The following TLR3 variants were observed in gnomAD, a reference collection of about 807,000 sequenced individuals.
TLR3 encodes the protein toll-like receptor 3.
In TLR3, 43 loss-of-function variants were observed where a neutral mutation model predicts 66.4. That is an observed-to-expected ratio of 0.65 (90% CI 0.51 to 0.83). The LOEUF is 0.83. Ranked by LOEUF, TLR3 falls within the 40% of genes least tolerant of loss-of-function variation. The pLI, the probability that TLR3 is intolerant of heterozygous loss-of-function variation, is 0.00. For synonymous variants in TLR3, 397 were observed against 397.2 expected, an observed-to-expected ratio of 1.00 and a Z score of 0.01; for missense variants, 982 against 1,044.6, an observed-to-expected ratio of 0.94 and a Z score of 0.83.
intron 1 of TLR3, among the ~76,000 whole-genome samples, chr4:186,072,453 C>G (rs1014523247): frequency 2.0e-5 from 3 of 152,142 alleles, no homozygotes; most frequent in Non-Finnish European, 4.4e-5. Flanking sequence ...GCTGGGATTA[C>G]AGGCACCCAC....
chr4:186,076,561 A>C, intron 1 of TLR3, 52 bp from the exon 2 acceptor site: 3 of 1,554,294 alleles, frequency 1.9e-6, no homozygotes, highest in Non-Finnish European at 2.7e-6. Flanking sequence ...ATGCATTTGA[A>C]AGCCATCTGC....
At chr4:186,076,365 C>T (rs2099302454) in intron 1 of TLR3, among the ~76,000 whole-genome samples, 1 of 152,092 alleles carries the variant, frequency 6.6e-6, no homozygotes, top group African/African-American at 2.4e-5. Flanking sequence ...ATTGCAGCTG[C>T]AACTGGCATT....
chr4:186,085,701 A>G lies in TLR3; in HGVS notation c.*828A>G, dbSNP rs2099304244. The G allele has an allele frequency of 6.6e-6, 1 of 152,238 alleles. No individual in the cohort carries two copies. The highest frequency in any genetic ancestry group is 6.5e-5 in the Admixed American group (1 of 15,284). 9.4% of individuals were successfully genotyped at this position (152,238 alleles called of 1,614,324 possible). ...TCTTTGACTCCTGATCTTGAAAATTATGATAATAAATGCATCTTAGATATT... is the reference window on the plus strand; with the variant it reads ...TCTTTGACTCCTGATCTTGAAAATTGTGATAATAAATGCATCTTAGATATT... On this transcript the variant is annotated 3_prime_UTR_variant, in exon 5 of 5. Transcript: ENST00000296795.
Position 186,076,654 on chromosome 4 carries a change from G to A in TLR3, c.35G>A (p.Gly12Glu). ...RQTLPCIYFW[G>E]GLLPFGMLCA... ...ACTTTGCCTTGTATCTACTTTTGGG[G>A]GGGCCTTTTGCCCTTTGGGATGCTG... Residue 12 changes from glycine to glutamate, a missense_variant, in exon 2 of 5, where the codon GGG becomes GAG. Coordinates refer to ENST00000296795, the MANE Select transcript of TLR3 (RefSeq NM_003265.3). The A allele has an allele frequency of 6.2e-7, 1 of 1,614,054 alleles. No individual in the cohort carries two copies. The highest frequency in any genetic ancestry group is 1.1e-5 in the South Asian group (1 of 91,070).
intron 3 of TLR3, among the ~76,000 whole-genome samples, chr4:186,081,318 G>A (rs1290575224): frequency 2.0e-5 from 3 of 151,698 alleles, no homozygotes; most frequent in South Asian, 4.2e-4. Context: ...TCCTCTGGCG[G>A]TTTCGACTGC....
At chr4:186,078,210 C>T (rs934407792) in intron 2 of TLR3, among the ~76,000 whole-genome samples, 1 of 152,166 alleles carries the variant, frequency 6.6e-6, no homozygotes, top group Admixed American at 6.5e-5. Flanking sequence ...ATCGCTTTCC[C>T]TTACCTTTTG....
rs1322822687 is a variant in TLR3 at position 186,076,951 on chromosome 4, T to G, written c.332T>G (p.Leu111Arg). The G allele has an allele frequency of 6.2e-7, 1 of 1,614,216 alleles. No individual in the cohort carries two copies. The change falls in exon 2 of 5, where the codon CTA becomes CGA. Residue 111 changes from leucine to arginine, a missense_variant. Transcript: ENST00000296795. ...GTTTTGAACCTCCAGCACAATGAGC[T>G]ATCTCAACTTTCTGATAAAACCTTT... ...LKVLNLQHNE[L>R]SQLSDKTFAF...
intron 3 of TLR3, 121 bp from the exon 4 acceptor site, chr4:186,082,199 T>C (rs2099303625): frequency 1.2e-6 from 1 of 867,802 alleles, no homozygotes; most frequent in African/African-American, 2.1e-5. Context: ...TACTCCAGCC[T>C]GGGCGACAGA....
At position 186,085,383 on chromosome 4, in the gene TLR3, A is replaced by T; in HGVS notation, c.*510A>T. The T allele has an allele frequency of 6.5e-6, 1 of 153,694 alleles. No individual in the cohort carries two copies. The highest frequency in any genetic ancestry group is 1.4e-5 in the Non-Finnish European group (1 of 69,046). The allele number at this position is 153,694 out of a possible 1,614,324, so 9.5% of individuals were successfully genotyped here. ...TTAGTAAGTACTTGTCTCAGTGTTGACTTTGTTAAATGTTAAATATTTTTT... is the reference window on the plus strand; with the variant it reads ...TTAGTAAGTACTTGTCTCAGTGTTGTCTTTGTTAAATGTTAAATATTTTTT... On this transcript the variant is annotated 3_prime_UTR_variant, in exon 5 of 5. Coordinates refer to ENST00000296795, the MANE Select transcript of TLR3 (RefSeq NM_003265.3).
chr4:186,084,046 G>T lies in TLR3; in HGVS notation c.2360G>T (p.Cys787Phe). The T allele has an allele frequency of 6.2e-7, 1 of 1,614,144 alleles. No homozygotes were observed. Among genetic ancestry groups the T allele is most frequent in the Non-Finnish European group, 8.5e-7 (1 of 1,180,028 alleles). Residue 787 changes from cysteine (C) to phenylalanine (F), a missense_variant, in exon 4 of 5, where the codon TGT (cysteine) becomes TTT (phenylalanine). Around this residue, in one of 3 missense-constraint regions of TLR3, gnomAD observed 666 missense variants for 709.0 expected, o/e 0.94. Coordinates refer to ENST00000296795, the MANE Select transcript of TLR3 (RefSeq NM_003265.3). ...AAGGAAGACCAATCTCTCAAATTTT[G>T]TCTGGAAGAAAGGGACTTTGAGGCG... The part of the protein sequence containing the change: ...MEKEDQSLKF[C>F]LEERDFEAGV...
intron 1 of TLR3, among the ~76,000 whole-genome samples, chr4:186,073,705 A>G (rs2099301928): frequency 1.3e-5 from 2 of 152,154 alleles, no homozygotes; most frequent in African/African-American, 4.8e-5. Context: ...CTTAGAGGAG[A>G]CACAGAAATG....
rs2099304376 is a variant in TLR3, at chr4:186,086,437, T to C, written c.*1564T>C. 6.6e-6 allele frequency: 1 copy of C among 152,196 alleles called. No homozygotes were observed. The highest frequency in any genetic ancestry group is 2.1e-4 in the South Asian group (1 of 4,834). The allele number at this position is 152,196 out of a possible 1,614,324, so 9.4% of individuals were successfully genotyped here. On this transcript the variant is annotated 3_prime_UTR_variant, in exon 5 of 5. Coordinates refer to ENST00000296795, the MANE Select transcript of TLR3 (RefSeq NM_003265.3). ...AGTTCCATGACCCTGGAATGAGAAATATCCACTGTACCTCTGGTTCTGAAG... is the reference window on the plus strand; with the variant it reads ...AGTTCCATGACCCTGGAATGAGAAACATCCACTGTACCTCTGGTTCTGAAG...
At chr4:186,070,133 AT>A (rs904671906) in intron 1 of TLR3, among the ~76,000 whole-genome samples, 5 of 151,764 alleles carry the variant, frequency 3.3e-5, no homozygotes, top group East Asian at 3.9e-4. Flanking sequence ...TCTCTTTTTA[AT>A]TTTTTTTCAT....
At position 186,082,523 on chromosome 4, in the gene TLR3, C is replaced by CG; in HGVS notation, c.838dup (p.Asp280GlyfsTer12). On this transcript the variant is annotated frameshift_variant, in exon 4 of 5. Transcript: ENST00000296795. LOFTEE classifies it high-confidence loss of function. ...TAAAGTGGACAAATCTCACTATGCTCGATCTTTCCTACAACAACTTAAATG... is the reference window on the plus strand; with the variant it reads ...TAAAGTGGACAAATCTCACTATGCTCGGATCTTTCCTACAACAACTTAAATG... 1 of 1,614,146 alleles carries CG rather than the reference C, an allele frequency of 6.2e-7. No individual in the cohort carries two copies. The highest frequency in any genetic ancestry group is 8.5e-7 in the Non-Finnish European group (1 of 1,180,032).
chr4:186,083,369 G>A lies in TLR3; in HGVS notation c.1683G>A (p.Leu561=), dbSNP rs571300094. The A allele has an allele frequency of 2.6e-4, 421 of 1,614,180 alleles. 4 individuals carry two copies. In the South Asian group the frequency reaches 4.0e-3, roughly 15 times the overall value. ...PGGPIYFLKG[L]SHLHILNLES... ...GTCCCATTTATTTCCTAAAGGGTCTGTCTCACCTCCACATCCTTAACTTGG... is the reference window on the plus strand; with the variant it reads ...GTCCCATTTATTTCCTAAAGGGTCTATCTCACCTCCACATCCTTAACTTGG... The change falls in exon 4 of 5, where the codon CTG becomes CTA. Residue 561 remains leucine, a synonymous_variant. Transcript: ENST00000296795. This position sits in a 1 kb window ranked among gnomAD's most constrained non-coding sequence, Gnocchi z 4.0.
rs1194478314 is a variant in TLR3, at chr4:186,085,730, A to G, written c.*857A>G. On this transcript the variant is annotated 3_prime_UTR_variant, in exon 5 of 5. Transcript: ENST00000296795. ...TAATAAATGCATCTTAGATATTCCTATGTAATTAGTGATGATGATCGCTGT... is the reference window on the plus strand; with the variant it reads ...TAATAAATGCATCTTAGATATTCCTGTGTAATTAGTGATGATGATCGCTGT... The G allele has an allele frequency of 2.0e-5, 3 of 152,228 alleles. No individual in the cohort carries two copies. Among genetic ancestry groups the G allele is most frequent in the Admixed American group, 6.5e-5 (1 of 15,284 alleles). 9.4% of individuals were successfully genotyped at this position (152,228 alleles called of 1,614,324 possible). A position where few individuals can be genotyped will look rare whatever the true frequency, so the allele number is the denominator to read the frequency against.
intron 1 of TLR3, among the ~76,000 whole-genome samples, 165 bp downstream of exon 1, chr4:186,069,413 T>A (rs367653100): frequency 2.0e-5 from 3 of 152,226 alleles, no homozygotes; most frequent in East Asian, 3.8e-4. Flanking sequence ...AGAAAAGGGA[T>A]ATGATATGGG....
intron 3 of TLR3, 112 bp from the exon 4 acceptor site, chr4:186,082,208 G>A (rs1170538359): frequency 1.1e-6 from 1 of 909,848 alleles, no homozygotes; most frequent in Non-Finnish European, 1.6e-6. Flanking sequence ...CTGGGCGACA[G>A]AGCGAGACTC....
chr4:186,082,713 C>T lies in TLR3; in HGVS notation c.1027C>T (p.Leu343Phe). 1 of 1,614,078 alleles carries T rather than the reference C, an allele frequency of 6.2e-7. No homozygotes were observed. Among genetic ancestry groups the T allele is most frequent in the South Asian group, 1.1e-5 (1 of 91,082 alleles). The change falls in exon 4 of 5, where the codon CTC (leucine) becomes TTC (phenylalanine). Residue 343 changes from leucine (L) to phenylalanine (F), a missense_variant. Around this residue, in one of 3 missense-constraint regions of TLR3, gnomAD observed 666 missense variants for 709.0 expected, o/e 0.94. Coordinates refer to ENST00000296795, the MANE Select transcript of TLR3 (RefSeq NM_003265.3). ...FTKQSISLAS[L>F]PKIDDFSFQW... ...TAAACAAAGTATTTCCCTTGCCTCACTCCCCAAGATTGATGATTTTTCTTT... is the reference window on the plus strand; with the variant it reads ...TAAACAAAGTATTTCCCTTGCCTCATTCCCCAAGATTGATGATTTTTCTTT...
Sources: allele counts gnomAD v4.1 joint callset (sites outside exome capture counted in the v4.1 genomes callset), GRCh38; gene constraint gnomAD v4.1.1; regional missense constraint gnomAD v4.1.1; non-coding constraint Gnocchi (gnomAD v3.1); transcripts MANE v1.5; gene names NCBI Gene and HGNC (gene_info 2026-07-23, HGNC 2026-07-21).